Variants in CSRNP3 observed in about 807,000 individuals in gnomAD.
CSRNP3 encodes cysteine and serine rich nuclear protein 3.
Under a neutral mutation model 48.0 loss-of-function variants are expected in CSRNP3, and 12 were observed. The ratio of observed to expected loss-of-function variants is 0.25; its 90% CI spans 0.16 to 0.41. CSRNP3 has a LOEUF of 0.41. CSRNP3 is among the 10% of genes least tolerant of loss of function. The pLI, the probability that CSRNP3 is intolerant of heterozygous loss-of-function variation, is 1.00. For synonymous variants in CSRNP3, 263 were observed against 269.7 expected (o/e 0.98, Z 0.24); for missense variants, 580 against 724.4 (o/e 0.80, Z 2.29).
At chr2:165,481,901 C>G (rs934498795) in intron 1 of CSRNP3, among the ~76,000 whole-genome samples, 1 of 151,892 alleles carries the variant, frequency 6.6e-6, no homozygotes, top group South Asian at 2.1e-4. Flanking sequence ...GACACAAAGA[C>G]GGGAACAATA....
chr2:165,474,008 G>C (rs1405238328), intron 1 of CSRNP3, among the ~76,000 whole-genome samples: 5 of 151,644 alleles, frequency 3.3e-5, no homozygotes, highest in Admixed American at 2.6e-4. Flanking sequence ...AAGAAGATAA[G>C]CATGCATGTG....
rs150177402 is a variant in CSRNP3, at chr2:165,535,252, A to G, written c.-24+17291A>G. Among the ~76,000 whole-genome samples the G allele has an allele frequency of 4.6e-5, 7 of 151,732 alleles. No homozygotes were observed. In the East Asian group the frequency reaches 1.2e-3, roughly 25 times the overall value. On this transcript the variant is annotated intron_variant, in intron 3 of 6. Coordinates refer to ENST00000651982, the MANE Select transcript of CSRNP3 (RefSeq NM_001172173.2). Reference sequence around the variant, plus strand: ...TTTTTGTAAACATAAGAAGAGAAATATTTGGAGCTTCATGAAAAGTAGTAT... The same window carrying G: ...TTTTTGTAAACATAAGAAGAGAAATGTTTGGAGCTTCATGAAAAGTAGTAT...
intron 3 of CSRNP3, chr2:165,574,445 T>A: frequency 1.3e-6 from 2 of 1,524,874 alleles, no homozygotes; most frequent in Non-Finnish European, 1.8e-6. Context: ...TGGTGACATT[T>A]CATGATGCGC....
chr2:165,625,311 A>C (rs560093512), intron 4 of CSRNP3, among the ~76,000 whole-genome samples: 1 of 151,914 alleles, frequency 6.6e-6, no homozygotes, highest in African/African-American at 2.4e-5. Context: ...AATATACATA[A>C]CATGTAGTTG....
intron 3 of CSRNP3, among the ~76,000 whole-genome samples, chr2:165,558,441 A>T (rs1159092452): frequency 6.6e-6 from 1 of 152,202 alleles, no homozygotes; most frequent in Non-Finnish European, 1.5e-5. Flanking sequence ...CAAAGGTTTT[A>T]CATAAGTTAG....
chr2:165,602,034 A>T (rs918626006), intron 4 of CSRNP3, among the ~76,000 whole-genome samples: 2 of 152,168 alleles, frequency 1.3e-5, no homozygotes, highest in African/African-American at 4.8e-5. Flanking sequence ...GTGATAAATT[A>T]TGTCTACCCA....
Position 165,676,572 on chromosome 2 carries a change from C to T in CSRNP3, c.669C>T (p.Asp223=). The T allele has an allele frequency of 6.2e-7, 1 of 1,613,654 alleles. No homozygotes were observed. The highest frequency in any genetic ancestry group is 8.5e-7 in the Non-Finnish European group (1 of 1,179,524). ...GCDCRVFCDP[D]TCTCSLAGIK... ...ACTGCCGAGTGTTCTGTGATCCAGA[C>T]ACGTGCACCTGCAGCCTGGCTGGCA... The change falls in exon 6 of 7, where the codon GAC becomes GAT. Residue 223 remains aspartate (D), a synonymous_variant. Coordinates refer to ENST00000651982, the MANE Select transcript of CSRNP3 (RefSeq NM_001172173.2).
In CSRNP3 at chr2:165,688,692, G is replaced by A. The variant is rs1006300434; in HGVS notation, c.*8939G>A. On this transcript the variant is annotated 3_prime_UTR_variant, in exon 7 of 7. Transcript: ENST00000651982. ...ATCAAATGATCCAAAGGACTTGGGT[G>A]TTATCCTTCAGTCTGTGTTGAACCA... The A allele has an allele frequency of 6.6e-6, 1 of 151,914 alleles. No homozygotes were observed. Among genetic ancestry groups the A allele is most frequent in the Non-Finnish European group, 1.5e-5 (1 of 67,958 alleles). 9.4% of individuals were successfully genotyped at this position (151,914 alleles called of 1,614,324 possible).
At chr2:165,552,226 A>G (rs1051788519) in intron 3 of CSRNP3, among the ~76,000 whole-genome samples, 24 of 152,224 alleles carry the variant, frequency 1.6e-4, no homozygotes, top group Admixed American at 2.0e-4. Flanking sequence ...ACATCTGAAT[A>G]AAGATCTTAC....
intron 1 of CSRNP3, among the ~76,000 whole-genome samples, chr2:165,479,122 CAAATG>C (rs1684005854): frequency 6.6e-6 from 1 of 152,042 alleles, no homozygotes; most frequent in South Asian, 2.1e-4. Context: ...CCAAAAATCA[CAAATG>C]AAATGTCTTT....
chr2:165,633,880 A>T (rs1686583824), intron 4 of CSRNP3, among the ~76,000 whole-genome samples: 1 of 152,182 alleles, frequency 6.6e-6, no homozygotes, highest in African/African-American at 2.4e-5. Context: ...GAACTGTTGA[A>T]ATCCTGCCCA....
intron 3 of CSRNP3, among the ~76,000 whole-genome samples, chr2:165,518,193 T>C (rs982820809): frequency 3.3e-5 from 5 of 152,002 alleles, no homozygotes; most frequent in Admixed American, 2.6e-4. Context: ...TCTTATAATT[T>C]GCTTCATTTT....
intron 3 of CSRNP3, among the ~76,000 whole-genome samples, chr2:165,537,832 G>T (rs1437451570): frequency 6.6e-6 from 1 of 151,380 alleles, no homozygotes; most frequent in African/African-American, 2.4e-5. Flanking sequence ...TTAAATTTAT[G>T]ACCTAGATTT....
intron 3 of CSRNP3, among the ~76,000 whole-genome samples, chr2:165,592,801 C>CT (rs374516256): frequency 0.6 from 80,176 of 132,818 alleles, 25,765 homozygotes; most frequent in East Asian, 0.66. Flanking sequence ...AACCTCTTTT[C>CT]ATTTTTTTTT....
intron 2 of CSRNP3, among the ~76,000 whole-genome samples, chr2:165,496,172 T>G (rs16850764): frequency 0.24 from 36,468 of 151,816 alleles, 4,538 homozygotes; most frequent in East Asian, 0.34. Flanking sequence ...AGAACCTATT[T>G]TATTTGGAAC....
intron 1 of CSRNP3, among the ~76,000 whole-genome samples, chr2:165,492,391 A>T (rs1156925327): frequency 6.6e-6 from 1 of 152,082 alleles, no homozygotes; most frequent in African/African-American, 2.4e-5. Context: ...AGCCCTGAAG[A>T]CTTGTCTGAC....
intron 3 of CSRNP3, among the ~76,000 whole-genome samples, chr2:165,564,976 A>G (rs907471838): frequency 6.6e-6 from 1 of 152,124 alleles, no homozygotes; most frequent in African/African-American, 2.4e-5. Flanking sequence ...ATATGATGCA[A>G]TGAATATATA....
intron 3 of CSRNP3, among the ~76,000 whole-genome samples, chr2:165,573,235 T>G (rs1685399407): frequency 6.6e-6 from 1 of 152,156 alleles, no homozygotes; most frequent in African/African-American, 2.4e-5. Context: ...ACCTTTTATT[T>G]TATAAATATT....
At position 165,470,956 on chromosome 2, in the gene CSRNP3, T is replaced by G. The variant is rs115667194; in HGVS notation, c.-283+1216T>G. ...GGAATGACTATATAATTTCTAAATA[T>G]TTTTTGCTATTGTTTTTCTTTTTGT... On this transcript the variant is annotated intron_variant, in intron 1 of 6. Coordinates refer to ENST00000651982, the MANE Select transcript of CSRNP3 (RefSeq NM_001172173.2). 3.5e-3 allele frequency among the ~76,000 whole-genome samples: 527 copies of G among 152,114 alleles called. 4 individuals carry two copies. The highest frequency in any genetic ancestry group is 0.012 in the African/African-American group (504 of 41,556).
Sources: gnomAD v4.1 joint callset for allele counts (sites outside exome capture counted in the v4.1 genomes callset) on GRCh38, gnomAD v4.1.1 for gene constraint, MANE v1.5 for transcripts, NCBI Gene and HGNC (gene_info 2026-07-23, HGNC 2026-07-21) for gene names.